Variants in PTPRK observed in about 807,000 individuals in gnomAD.
The protein encoded by PTPRK is receptor-type tyrosine-protein phosphatase kappa.
A neutral mutation model predicts 178.0 loss-of-function variants in PTPRK; 75 were observed. The ratio of observed to expected loss-of-function variants is 0.42; its 90% CI spans 0.35 to 0.51. PTPRK has a LOEUF of 0.51. Among genes scored for constraint, PTPRK ranks in the 20% least tolerant of loss-of-function variants. The pLI, the probability that PTPRK is intolerant of heterozygous loss-of-function variation, is 0.02. For missense variants in PTPRK, 1,441 were observed against 1,797.8 expected, an observed-to-expected ratio of 0.80 and a Z score of 3.59; for synonymous variants, 637 against 620.6, an observed-to-expected ratio of 1.03 and a Z score of -0.39.
At chr6:128,232,763 G>A (rs1210456848) in intron 5 of PTPRK, among the ~76,000 whole-genome samples, 4 of 152,052 alleles carry the variant, frequency 2.6e-5, no homozygotes, top group Admixed American at 1.3e-4. Flanking sequence ...CACTGTTTTG[G>A]TACTTATATG....
chr6:128,241,826 G>C (rs1480296848), intron 4 of PTPRK, among the ~76,000 whole-genome samples: 1 of 146,788 alleles, frequency 6.8e-6, no homozygotes, highest in Non-Finnish European at 1.5e-5. Context: ...TGGTTGCCCA[G>C]GCTGGAGTGC....
chr6:128,363,835 C>T, intron 2 of PTPRK, among the ~76,000 whole-genome samples: 1 of 152,148 alleles, frequency 6.6e-6, no homozygotes, highest in East Asian at 1.9e-4. Context: ...TCTGTCTTTA[C>T]TTCCAGGCCC....
At chr6:128,279,138 T>C (rs758872002) in intron 3 of PTPRK, among the ~76,000 whole-genome samples, 2 of 151,616 alleles carry the variant, frequency 1.3e-5, no homozygotes, top group South Asian at 2.1e-4. Flanking sequence ...CCATTAGAAG[T>C]TGACTGTAAC....
chr6:128,269,413 T>C (rs1819446283), intron 3 of PTPRK, among the ~76,000 whole-genome samples: 1 of 151,470 alleles, frequency 6.6e-6, no homozygotes, highest in Non-Finnish European at 1.5e-5. Context: ...ATGACAGAGA[T>C]AGCTACATAA....
chr6:128,199,932 CTA>C lies in PTPRK; in HGVS notation c.869-15209_869-15208del, dbSNP rs545283156. 5.3e-3 allele frequency among the ~76,000 whole-genome samples: 808 copies of C among 152,242 alleles called. 6 individuals carry two copies. Among genetic ancestry groups the C allele is most frequent in the Non-Finnish European group, 6.7e-3 (454 of 68,020 alleles). ...AGTTTAGGCATTCAAATGCTTCTGC[CTA>C]TGAGATGGATCAAGTATAGGTTAGA... On this transcript the variant is annotated intron_variant, in intron 6 of 29. Transcript: ENST00000368226.
intron 22 of PTPRK, among the ~76,000 whole-genome samples, chr6:127,984,155 A>C (rs1775679379): frequency 6.6e-6 from 1 of 152,170 alleles, no homozygotes; most frequent in South Asian, 2.1e-4. Context: ...GTACATAGTG[A>C]TATTTTAATA....
At chr6:128,242,468 T>C (rs1814641654) in intron 4 of PTPRK, 53 bp downstream of exon 4, 2 of 1,586,524 alleles carry the variant, frequency 1.3e-6, no homozygotes, top group Non-Finnish European at 1.7e-6. Context: ...ACTGCCAATA[T>C]AAGGCAAGTG....
chr6:128,057,256 T>C (rs954193456), intron 13 of PTPRK, among the ~76,000 whole-genome samples: 1 of 152,224 alleles, frequency 6.6e-6, no homozygotes, highest in East Asian at 1.9e-4. Context: ...ACACTTGATA[T>C]AGATATTGTA....
chr6:128,178,401 A>G (rs1207171289), intron 7 of PTPRK, among the ~76,000 whole-genome samples: 2 of 151,850 alleles, frequency 1.3e-5, no homozygotes, highest in Non-Finnish European at 2.9e-5. Flanking sequence ...TAGCTCTTGA[A>G]TTTATCTCCA....
rs1209448082 is a variant in PTPRK, at chr6:127,982,886, T to C, written c.3482A>G (p.Asp1161Gly). ...AGTCTGGGAGTCTATTCTAATCATATCAAAATATGCAGCTTTAAATTCACA... is the reference window on the plus strand; with the variant it reads ...AGTCTGGGAGTCTATTCTAATCATACCAAAATATGCAGCTTTAAATTCACA... ...PVCEFKAAYF[D>G]MIRIDSQTNS... The change falls in exon 24 of 30, where the codon GAT becomes GGT. Residue 1161 changes from aspartate to glycine, a missense_variant. Physicochemically the swap from Asp to Gly is moderately conservative, Grantham distance 94. This residue lies in a region of PTPRK where 335 missense variants were observed against 512.4 expected (regional missense o/e 0.65). Transcript: ENST00000368226. 6.8e-6 allele frequency: 11 copies of C among 1,612,552 alleles called. No individual in the cohort carries two copies. The highest frequency in any genetic ancestry group is 1.7e-5 in the Admixed American group (1 of 60,000).
chr6:127,997,126 C>G (rs926554155), intron 16 of PTPRK, 138 bp from the exon 17 acceptor site: 5 of 815,752 alleles, frequency 6.1e-6, no homozygotes, highest in Admixed American at 2.9e-5. Flanking sequence ...AAGTTTCATT[C>G]TCAGACCTCA....
chr6:128,336,301 A>C (rs908190612), intron 2 of PTPRK, among the ~76,000 whole-genome samples: 7 of 152,056 alleles, frequency 4.6e-5, no homozygotes, highest in Non-Finnish European at 1.0e-4. Flanking sequence ...AAACACAAAC[A>C]TTGAGAAATT....
intron 13 of PTPRK, among the ~76,000 whole-genome samples, chr6:128,009,711 G>A (rs987732739): frequency 6.6e-6 from 1 of 151,116 alleles, no homozygotes; most frequent in African/African-American, 2.4e-5. Context: ...TGGGACAGAA[G>A]GGGTTAGGTT....
At chr6:128,267,654 T>C (rs905769673) in intron 3 of PTPRK, among the ~76,000 whole-genome samples, 1 of 152,138 alleles carries the variant, frequency 6.6e-6, no homozygotes, top group African/African-American at 2.4e-5. Context: ...ACACCACAGT[T>C]CACAATAACA....
chr6:128,364,135 C>T (rs753211966), intron 2 of PTPRK, among the ~76,000 whole-genome samples: 3 of 151,930 alleles, frequency 2.0e-5, no homozygotes, highest in Non-Finnish European at 4.4e-5. Flanking sequence ...ATAGACCATA[C>T]TCAAATTTTA....
intron 8 of PTPRK, among the ~76,000 whole-genome samples, chr6:128,087,014 T>G (rs1785975279): frequency 6.6e-6 from 1 of 151,994 alleles, no homozygotes; most frequent in African/African-American, 2.4e-5. Context: ...TTTACAAAAC[T>G]ATTTTAGATA....
chr6:128,353,154 G>A (rs984910279), intron 2 of PTPRK, among the ~76,000 whole-genome samples: 5 of 152,068 alleles, frequency 3.3e-5, no homozygotes, highest in African/African-American at 7.2e-5. Flanking sequence ...TTAGAGAAAC[G>A]CAAACTAAAA....
chr6:128,201,943 G>A (rs1806034790), intron 6 of PTPRK, among the ~76,000 whole-genome samples: 1 of 151,994 alleles, frequency 6.6e-6, no homozygotes, highest in South Asian at 2.1e-4. Flanking sequence ...TGTAAAACTT[G>A]CTTCAAGTAG....
intron 7 of PTPRK, among the ~76,000 whole-genome samples, chr6:128,172,743 C>CAT (rs142705691): frequency 0.022 from 3,312 of 151,252 alleles, 98 homozygotes; most frequent in African/African-American, 0.046. Context: ...CATATACACA[C>CAT]GTACATATAA....
Sources: allele counts gnomAD v4.1 joint callset (sites outside exome capture counted in the v4.1 genomes callset), GRCh38; gene constraint gnomAD v4.1.1; regional missense constraint gnomAD v4.1.1; transcripts MANE v1.5; gene names NCBI Gene and HGNC (gene_info 2026-07-23, HGNC 2026-07-21).